MDFIC: variants seen among roughly 807,000 people sequenced by gnomAD.
The protein encoded by MDFIC is MyoD family inhibitor domain containing.
A neutral mutation model predicts 23.2 loss-of-function variants in MDFIC; 17 were observed. The ratio of observed to expected loss-of-function variants is 0.73; its 90% CI spans 0.50 to 1.10. The LOEUF (loss-of-function observed/expected upper bound fraction) is 1.10. Among genes scored for constraint, MDFIC ranks in the 50% least tolerant of loss-of-function variants. The pLI is 0.00. For missense variants in MDFIC, 356 were observed against 316.6 expected, an observed-to-expected ratio of 1.12 and a Z score of -0.95; for synonymous variants, 120 against 115.2, an observed-to-expected ratio of 1.04 and a Z score of -0.27.
At chr7:114,988,682 A>G (rs1336846567) in intron 4 of MDFIC, among the ~76,000 whole-genome samples, 5 of 152,164 alleles carry the variant, frequency 3.3e-5, no homozygotes, top group African/African-American at 1.2e-4. Flanking sequence ...GGAATAGCTG[A>G]ATGTAGTTTG....
intron 4 of MDFIC, among the ~76,000 whole-genome samples, chr7:114,999,684 A>T (rs1791419958): frequency 6.6e-6 from 1 of 152,012 alleles, no homozygotes; most frequent in Non-Finnish European, 1.5e-5. Flanking sequence ...GAATTTTTTT[A>T]AATATAGGTG....
chr7:114,987,568 G>A (rs953890781), intron 4 of MDFIC, among the ~76,000 whole-genome samples: 4 of 152,164 alleles, frequency 2.6e-5, no homozygotes, highest in East Asian at 3.8e-4. Context: ...TGGTGTGGGC[G>A]AAAGGTTTAG....
chr7:115,004,119 T>A (rs1041830741), intron 4 of MDFIC, among the ~76,000 whole-genome samples: 3 of 152,158 alleles, frequency 2.0e-5, no homozygotes, highest in African/African-American at 7.2e-5. Context: ...ATCACATAGA[T>A]CTAAATTTGA....
At position 114,988,241 on chromosome 7, in the gene MDFIC, G is replaced by C. The variant is rs569989204; in HGVS notation, c.493+8460G>C. Among the ~76,000 whole-genome samples the C allele has an allele frequency of 8.5e-5, 13 of 152,304 alleles. No individual in the cohort carries two copies. In the South Asian group the frequency reaches 2.5e-3, roughly 29 times the overall value. ...AAATAAAACAATGGAGATACAGATA[G>C]ATTGGCCAGGAAGCTTTAGGGTGTG... On this transcript the variant is annotated intron_variant, in intron 4 of 4. Coordinates refer to ENST00000393486, the MANE Select transcript of MDFIC (RefSeq NM_001166345.3).
intron 4 of MDFIC, among the ~76,000 whole-genome samples, chr7:114,994,106 G>A (rs1249314628): frequency 6.6e-6 from 1 of 152,016 alleles, no homozygotes; most frequent in Non-Finnish European, 1.5e-5. Flanking sequence ...TTATATAATG[G>A]CCTTCTTTGT....
chr7:114,960,164 G>A (rs1037257276), intron 3 of MDFIC, among the ~76,000 whole-genome samples: 6 of 152,076 alleles, frequency 3.9e-5, no homozygotes, highest in Admixed American at 3.9e-4. Flanking sequence ...ACTACCTCAC[G>A]GGGTTGGTGA....
At chr7:114,952,013 C>T (rs777871686) in intron 3 of MDFIC, among the ~76,000 whole-genome samples, 125 of 152,298 alleles carry the variant, frequency 8.2e-4, no homozygotes, top group Non-Finnish European at 1.4e-3. Context: ...GCCACAACCG[C>T]GTAGTTTCGC....
At chr7:115,008,199 G>A (rs2709501) in intron 4 of MDFIC, among the ~76,000 whole-genome samples, 130,468 of 151,966 alleles carry the variant, frequency 0.86, 57,277 homozygotes, top group East Asian at 1. Flanking sequence ...TTTAAAATAT[G>A]AAAGCAACTC....
At chr7:115,014,431 C>T (rs2116150159) in intron 4 of MDFIC, 4 of 1,289,544 alleles carry the variant, frequency 3.1e-6, no homozygotes, top group Non-Finnish European at 4.0e-6. Flanking sequence ...AAGCAACAAG[C>T]TGGTTTTCTT....
chr7:115,007,180 C>A (rs1003908837), intron 4 of MDFIC, among the ~76,000 whole-genome samples: 2 of 152,122 alleles, frequency 1.3e-5, no homozygotes, highest in East Asian at 3.9e-4. Flanking sequence ...GTCCGATGTC[C>A]GTGTGGTAAT....
intron 4 of MDFIC, among the ~76,000 whole-genome samples, chr7:114,995,612 C>T (rs1791307548): frequency 2.0e-5 from 3 of 152,206 alleles, no homozygotes; most frequent in Non-Finnish European, 4.4e-5. Flanking sequence ...GAGGTCCACT[C>T]CAGACCCTGT....
intron 4 of MDFIC, among the ~76,000 whole-genome samples, chr7:115,004,339 T>A (rs1385774535): frequency 6.6e-6 from 1 of 152,194 alleles, no homozygotes; most frequent in Non-Finnish European, 1.5e-5. Context: ...ATACTCCTAG[T>A]AGCTCATGCC....
At chr7:114,976,055 C>T (rs1793302539) in intron 3 of MDFIC, among the ~76,000 whole-genome samples, 1 of 152,000 alleles carries the variant, frequency 6.6e-6, no homozygotes, top group Admixed American at 6.6e-5. Context: ...TCACTCCAGC[C>T]ATACCTAGTA....
chr7:115,001,371 G>A (rs538457574), intron 4 of MDFIC, among the ~76,000 whole-genome samples: 1 of 152,152 alleles, frequency 6.6e-6, no homozygotes, highest in Non-Finnish European at 1.5e-5. Flanking sequence ...TGGACCTCTT[G>A]GGAATACTAT....
chr7:115,004,164 A>G (rs1409513015), intron 4 of MDFIC, among the ~76,000 whole-genome samples: 1 of 152,218 alleles, frequency 6.6e-6, no homozygotes, highest in East Asian at 1.9e-4. Flanking sequence ...TTGCACCTCA[A>G]GCCACTATAT....
chr7:114,969,036 T>A (rs1793154781), intron 3 of MDFIC, among the ~76,000 whole-genome samples: 1 of 152,166 alleles, frequency 6.6e-6, no homozygotes, highest in South Asian at 2.1e-4. Flanking sequence ...GAAAAAACTT[T>A]CAGTTACGAA....
Position 114,989,770 on chromosome 7 carries a change from T to C in MDFIC, c.493+9989T>C, listed in dbSNP as rs528556659. ...TTGAATGATTTGGTACAAGGACACGTAACCTTTGGTGACTAAAAAGCCTTT... is the reference window on the plus strand; with the variant it reads ...TTGAATGATTTGGTACAAGGACACGCAACCTTTGGTGACTAAAAAGCCTTT... On this transcript the variant is annotated intron_variant, in intron 4 of 4. Coordinates refer to ENST00000393486, the MANE Select transcript of MDFIC (RefSeq NM_001166345.3). Among the ~76,000 whole-genome samples the C allele has an allele frequency of 2.0e-5, 3 of 152,318 alleles. No homozygotes were observed. The South Asian group carries it at 6.2e-4, about 32-fold the overall frequency.
At chr7:114,947,907 A>G (rs1792681117) in intron 3 of MDFIC, among the ~76,000 whole-genome samples, 1 of 152,154 alleles carries the variant, frequency 6.6e-6, no homozygotes, top group African/African-American at 2.4e-5. Context: ...TTTCATTGTT[A>G]TTATCCTTGA....
At chr7:114,973,421 C>T (rs74324325) in intron 3 of MDFIC, among the ~76,000 whole-genome samples, 40 of 152,158 alleles carry the variant, frequency 2.6e-4, no homozygotes, top group Admixed American at 1.9e-3. Flanking sequence ...AGGGCACACC[C>T]GGGTTTTAAG....
Sources: allele counts gnomAD v4.1 joint callset (sites outside exome capture counted in the v4.1 genomes callset), GRCh38; gene constraint gnomAD v4.1.1; transcripts MANE v1.5; gene names NCBI Gene and HGNC (gene_info 2026-07-23, HGNC 2026-07-21).